ASTN2: variants seen among roughly 807,000 people sequenced by gnomAD.
The protein encoded by ASTN2 is astrotactin 2.
A neutral mutation model predicts 139.8 loss-of-function variants in ASTN2; 54 were observed. The observed-to-expected ratio is 0.39, with a 90% confidence interval of 0.31 to 0.48. The LOEUF is 0.48. ASTN2 is among the 20% of genes least tolerant of loss of function. The pLI is 0.95. For missense variants in ASTN2, 1,565 were observed against 1,725.1 expected (o/e 0.91, Z 1.64); for synonymous variants, 756 against 719.5 (o/e 1.05, Z -0.81).
At chr9:116,923,148 T>A (rs956425961) in intron 10 of ASTN2, among the ~76,000 whole-genome samples, 1 of 152,212 alleles carries the variant, frequency 6.6e-6, no homozygotes, top group Non-Finnish European at 1.5e-5. Context: ...TCCAAGGTTA[T>A]AACAGTACAA....
chr9:116,879,372 CAGACAGACAGACAG>C (rs1833391078), intron 10 of ASTN2, among the ~76,000 whole-genome samples: 1 of 149,902 alleles, frequency 6.7e-6, no homozygotes, highest in Non-Finnish European at 1.5e-5. Flanking sequence ...GACAGACAGA[CAGACAGACAGACAG>C]AGAATTCATT....
intron 3 of ASTN2, among the ~76,000 whole-genome samples, chr9:117,198,878 C>G (rs909120986): frequency 2.6e-5 from 4 of 152,166 alleles, no homozygotes; most frequent in Admixed American, 6.6e-5. Flanking sequence ...TTGCATTTCT[C>G]TGATGATCAG....
chr9:116,918,253 G>T (rs1225883011), intron 10 of ASTN2, among the ~76,000 whole-genome samples: 1 of 152,166 alleles, frequency 6.6e-6, no homozygotes, highest in Admixed American at 6.5e-5. Flanking sequence ...AAAGCACCCA[G>T]AGCTAGCAGA....
intron 5 of ASTN2, among the ~76,000 whole-genome samples, chr9:117,065,049 T>TTGG (rs1196305138): frequency 2.0e-5 from 3 of 152,122 alleles, no homozygotes; most frequent in Non-Finnish European, 4.4e-5. Context: ...AAGCCAATGA[T>TTGG]TGGTGTCCTT....
At chr9:117,330,073 C>G (rs1448917543) in intron 1 of ASTN2, among the ~76,000 whole-genome samples, 1 of 152,178 alleles carries the variant, frequency 6.6e-6, no homozygotes, top group East Asian at 1.9e-4. Context: ...AGCCCTTACA[C>G]TTAATCCATC....
chr9:117,179,523 G>A (rs1462758610), intron 3 of ASTN2, among the ~76,000 whole-genome samples: 1 of 152,150 alleles, frequency 6.6e-6, no homozygotes. Flanking sequence ...CACTAGGGAA[G>A]GGATTAGCAA....
At chr9:117,353,889 G>A (rs969235023) in intron 1 of ASTN2, among the ~76,000 whole-genome samples, 1 of 152,166 alleles carries the variant, frequency 6.6e-6, no homozygotes, top group African/African-American at 2.4e-5. Context: ...CGATAGCAGT[G>A]GGTTAGCATG....
At chr9:117,097,734 T>C (rs998722560) in intron 4 of ASTN2, among the ~76,000 whole-genome samples, 1 of 152,186 alleles carries the variant, frequency 6.6e-6, no homozygotes, top group Non-Finnish European at 1.5e-5. Flanking sequence ...AAGAAAAACA[T>C]ACATTAAAGG....
chr9:116,657,664 A>G (rs1171182540), intron 16 of ASTN2, among the ~76,000 whole-genome samples: 1 of 152,120 alleles, frequency 6.6e-6, no homozygotes, highest in Non-Finnish European at 1.5e-5. Context: ...AACATGGCAA[A>G]ACCCCATGCC....
intron 4 of ASTN2, among the ~76,000 whole-genome samples, chr9:117,133,144 A>C (rs1472356405): frequency 6.6e-6 from 1 of 152,202 alleles, no homozygotes; most frequent in Non-Finnish European, 1.5e-5. Flanking sequence ...GTATCATCAA[A>C]GACTATTTGA....
intron 17 of ASTN2, among the ~76,000 whole-genome samples, chr9:116,641,415 G>C (rs1726739710): frequency 6.6e-6 from 1 of 152,090 alleles, no homozygotes. Flanking sequence ...AAGTGATTTA[G>C]CTTCTCCATG....
At chr9:117,038,609 A>G (rs929735885) in intron 6 of ASTN2, among the ~76,000 whole-genome samples, 17 of 152,362 alleles carry the variant, frequency 1.1e-4, no homozygotes, top group Admixed American at 9.8e-4. Context: ...TATTTTAAAA[A>G]GTGTAAAATG....
At chr9:116,890,790 C>T (rs559819065) in intron 10 of ASTN2, among the ~76,000 whole-genome samples, 77 of 152,064 alleles carry the variant, frequency 5.1e-4, no homozygotes, top group Non-Finnish European at 9.0e-4. Flanking sequence ...TGACCTTTTC[C>T]AGGCTGGTAA....
chr9:117,121,408 A>T (rs1829554597), intron 4 of ASTN2, among the ~76,000 whole-genome samples: 2 of 152,224 alleles, frequency 1.3e-5, no homozygotes, highest in African/African-American at 4.8e-5. Context: ...CTTGCAAAAT[A>T]AAGAATAAAT....
chr9:117,214,514 T>A lies in ASTN2; in HGVS notation c.859A>T (p.Thr287Ser). 6.2e-7 allele frequency: 1 copy of A among 1,613,680 alleles called. No individual in the cohort carries two copies. Among genetic ancestry groups the A allele is most frequent in the Admixed American group, 1.7e-5 (1 of 59,992 alleles). The change falls in exon 3 of 23, where the codon ACT (threonine) becomes TCT (serine). Residue 287 changes from threonine (T) to serine (S), a missense_variant. Transcript: ENST00000313400. ...CAGTCATAGTCATCCAGGATGGGAG[T>A]CTCCCGGATGGGCACGCCAATGACG... Reference protein sequence around the residue: ...NSVIGVPIRETPILDDYDCEE... With the variant: ...NSVIGVPIRESPILDDYDCEE...
chr9:117,115,822 G>A (rs927430869), intron 4 of ASTN2, among the ~76,000 whole-genome samples: 8 of 151,990 alleles, frequency 5.3e-5, no homozygotes, highest in East Asian at 2.0e-4. Flanking sequence ...TCAGGAGATC[G>A]AAACTATCCT....
At chr9:117,065,212 C>T (rs986418731) in intron 5 of ASTN2, among the ~76,000 whole-genome samples, 2 of 152,172 alleles carry the variant, frequency 1.3e-5, no homozygotes, top group Non-Finnish European at 2.9e-5. Flanking sequence ...CAGAAGAAAC[C>T]CACACTGGAA....
chr9:117,023,565 A>C (rs965090634), intron 6 of ASTN2, among the ~76,000 whole-genome samples: 4 of 152,048 alleles, frequency 2.6e-5, no homozygotes, highest in African/African-American at 7.2e-5. Flanking sequence ...TTATTTTGCT[A>C]ATTTGCTTTG....
At position 116,729,086 on chromosome 9, in the gene ASTN2, C is replaced by T; in HGVS notation, c.2532G>A (p.Arg844=). Residue 844 remains arginine, a synonymous_variant, in exon 15 of 23, where the codon AGG becomes AGA. Coordinates refer to ENST00000313400, the MANE Select transcript of ASTN2 (RefSeq NM_001365068.1). ...PDLQLLTGDI[R]YDEAMGYPMV... is the part of the protein sequence containing the mutation. ...TGGGGTAACCCATGGCCTCATCATACCTGATATCTCCTGGGAGAGAAAATA... is the reference window on the plus strand; with the variant it reads ...TGGGGTAACCCATGGCCTCATCATATCTGATATCTCCTGGGAGAGAAAATA... The T allele has an allele frequency of 6.3e-7, 1 of 1,583,650 alleles. No individual in the cohort carries two copies. The highest frequency in any genetic ancestry group is 1.8e-5 in the Admixed American group (1 of 55,778).
Sources: allele counts gnomAD v4.1 joint callset (sites outside exome capture counted in the v4.1 genomes callset), GRCh38; gene constraint gnomAD v4.1.1; transcripts MANE v1.5; gene names NCBI Gene and HGNC (gene_info 2026-07-23, HGNC 2026-07-21).